Variants in GOLIM4 observed in about 807,000 individuals in gnomAD.
The protein encoded by GOLIM4 is 130 kDa golgi-localized phosphoprotein.
In GOLIM4, 71 loss-of-function variants were observed where a neutral mutation model predicts 107.4. The observed-to-expected ratio is 0.66, with a 90% CI of 0.55 to 0.81. The LOEUF (loss-of-function observed/expected upper bound fraction) is 0.81, where lower values mean the gene tolerates loss of function less well. Ranked by LOEUF, GOLIM4 falls within the 30% of genes least tolerant of loss-of-function variation. The pLI, the probability that GOLIM4 is intolerant of heterozygous loss-of-function variation, is 0.00. For missense variants in GOLIM4, 830 were observed against 826.1 expected (o/e 1.00, Z -0.06); for synonymous variants, 327 against 294.8 (o/e 1.11, Z -1.12).
In GOLIM4 at chr3:168,024,933, A is replaced by G; in HGVS notation, c.1786T>C (p.Leu596=). 6.2e-7 allele frequency: 1 copy of G among 1,613,230 alleles called. No homozygotes were observed. The highest frequency in any genetic ancestry group is 8.5e-7 in the Non-Finnish European group (1 of 1,179,400). ...TCCTCGTGGCATCTGCTTACCACCA[A>G]ATGTTCCTCCACTTCTGTATTCTCT... ...KQENTEVEEH[L]VMAGNPDQQE... The change falls in exon 13 of 16, where the codon TTG becomes CTG. Residue 596 remains leucine, a synonymous_variant. Coordinates refer to ENST00000470487, the MANE Select transcript of GOLIM4 (RefSeq NM_014498.5).
At chr3:168,083,721 T>C (rs775343954) in intron 1 of GOLIM4, among the ~76,000 whole-genome samples, 31 of 152,164 alleles carry the variant, frequency 2.0e-4, no homozygotes, top group Admixed American at 8.5e-4. Flanking sequence ...ATGACAACTT[T>C]GGGAATAATG....
intron 8 of GOLIM4, 125 bp from the exon 9 acceptor site, chr3:168,032,977 G>A: frequency 1.4e-6 from 1 of 716,140 alleles, no homozygotes; most frequent in Non-Finnish European, 2.3e-6. Context: ...AATATATATA[G>A]TCCTGGCTTT....
At chr3:168,073,274 T>C (rs558074345) in intron 1 of GOLIM4, among the ~76,000 whole-genome samples, 11 of 152,358 alleles carry the variant, frequency 7.2e-5, no homozygotes, top group Admixed American at 7.2e-4. Context: ...GTCTTCTTTG[T>C]GTTTGTAACT....
intron 1 of GOLIM4, among the ~76,000 whole-genome samples, chr3:168,088,793 C>T (rs1436296855): frequency 6.6e-6 from 1 of 152,240 alleles, no homozygotes; most frequent in Non-Finnish European, 1.5e-5. Context: ...CTCCAATTCA[C>T]TTATTCCTTC....
At chr3:168,042,594 C>T (rs1291351177) in intron 5 of GOLIM4, among the ~76,000 whole-genome samples, 6 of 152,146 alleles carry the variant, frequency 3.9e-5, no homozygotes, top group South Asian at 2.1e-4. Context: ...ATGGGGAAGA[C>T]GTGTGTCTTG....
chr3:168,043,548 G>C lies in GOLIM4; in HGVS notation c.367-19C>G. 1 of 1,585,124 alleles carries C rather than the reference G, an allele frequency of 6.3e-7. No individual in the cohort carries two copies. The highest frequency in any genetic ancestry group is 8.6e-7 in the Non-Finnish European group (1 of 1,169,516). ...GTTGGCTCTGCAAAGATGAAAACTT[G>C]AGTAGAAATATACATTCTCTGAATT... On this transcript the variant is annotated intron_variant, in intron 4 of 15. Transcript: ENST00000470487.
At chr3:168,053,613 G>A (rs932408094) in intron 1 of GOLIM4, among the ~76,000 whole-genome samples, 11 of 152,096 alleles carry the variant, frequency 7.2e-5, no homozygotes, top group Non-Finnish European at 1.0e-4. Flanking sequence ...ATTAATATAC[G>A]TCTCAGACTT....
chr3:168,082,812 G>C (rs1160839687), intron 1 of GOLIM4, among the ~76,000 whole-genome samples: 1 of 151,724 alleles, frequency 6.6e-6, no homozygotes, highest in East Asian at 1.9e-4. Flanking sequence ...CACAGCAATG[G>C]GGCAGGAAGA....
chr3:168,065,699 T>G (rs1446634642), intron 1 of GOLIM4, among the ~76,000 whole-genome samples: 1 of 152,298 alleles, frequency 6.6e-6, no homozygotes, highest in African/African-American at 2.4e-5. Context: ...ACAAGCATAT[T>G]TGGTGGACAA....
At chr3:168,051,408 G>A (rs1719638650) in intron 1 of GOLIM4, among the ~76,000 whole-genome samples, 1 of 152,172 alleles carries the variant, frequency 6.6e-6, no homozygotes, top group Admixed American at 6.5e-5. Flanking sequence ...TGTGTCTCAA[G>A]AGCCAGGAGA....
In GOLIM4 at chr3:168,010,647, C is replaced by T. The variant is rs1028166600; in HGVS notation, c.1941+96G>A. ...AGTGGTAACTCAGAGGTACCATTACCCACTGGTACGTATCCCAAATACATA... is the reference window on the plus strand; with the variant it reads ...AGTGGTAACTCAGAGGTACCATTACTCACTGGTACGTATCCCAAATACATA... On this transcript the variant is annotated intron_variant, in intron 15 of 15. Transcript: ENST00000470487. 4 of 947,930 alleles carry T rather than the reference C, an allele frequency of 4.2e-6. No homozygotes were observed. In the African/African-American group the frequency reaches 6.5e-5, roughly 15 times the overall value. The allele number at this position is 947,930 out of a possible 1,614,324, so 58.7% of individuals were successfully genotyped here. A position where few individuals can be genotyped will look rare whatever the true frequency, so the allele number is the denominator to read the frequency against.
chr3:168,021,372 G>A (rs931453018), intron 14 of GOLIM4, among the ~76,000 whole-genome samples: 2 of 152,004 alleles, frequency 1.3e-5, no homozygotes, highest in Non-Finnish European at 2.9e-5. Context: ...TCTTCCAATC[G>A]AAAAGCTTCT....
chr3:168,042,076 C>G (rs1173575645), intron 5 of GOLIM4, among the ~76,000 whole-genome samples: 2 of 152,118 alleles, frequency 1.3e-5, no homozygotes, highest in East Asian at 1.9e-4. Flanking sequence ...AGCTTCCCAT[C>G]ATGATGACAT....
chr3:168,081,250 G>T (rs944218431), intron 1 of GOLIM4, among the ~76,000 whole-genome samples: 4 of 152,194 alleles, frequency 2.6e-5, no homozygotes, highest in African/African-American at 9.7e-5. Context: ...TCTCCCCAGT[G>T]ACTATCACCC....
chr3:168,071,713 C>A (rs1257377740), intron 1 of GOLIM4, among the ~76,000 whole-genome samples: 1 of 151,574 alleles, frequency 6.6e-6, no homozygotes, highest in Non-Finnish European at 1.5e-5. Context: ...GAATGAGTCA[C>A]AAGGGTGGGT....
chr3:168,040,270 G>C (rs537679448), intron 7 of GOLIM4, among the ~76,000 whole-genome samples: 2 of 152,302 alleles, frequency 1.3e-5, no homozygotes, highest in South Asian at 4.1e-4. Context: ...TGAACAAATG[G>C]AGCTTATGAC....
chr3:168,022,630 C>T (rs1717770040), intron 14 of GOLIM4, among the ~76,000 whole-genome samples: 6 of 152,126 alleles, frequency 3.9e-5, no homozygotes, highest in Admixed American at 3.9e-4. Flanking sequence ...CTCATAACCA[C>T]ACACAAAAAT....
intron 1 of GOLIM4, among the ~76,000 whole-genome samples, chr3:168,070,455 C>A (rs1431598658): frequency 6.6e-6 from 1 of 152,182 alleles, no homozygotes; most frequent in Non-Finnish European, 1.5e-5. Flanking sequence ...CAGGTCTACA[C>A]CATTCCAAAT....
At chr3:168,059,369 CTTCA>C (rs1205183487) in intron 1 of GOLIM4, among the ~76,000 whole-genome samples, 4 of 152,174 alleles carry the variant, frequency 2.6e-5, no homozygotes, top group African/African-American at 9.7e-5. Flanking sequence ...GTTAACTCAC[CTTCA>C]TTCAAACTTC....
Sources: gnomAD v4.1 joint callset for allele counts (sites outside exome capture counted in the v4.1 genomes callset) on GRCh38, gnomAD v4.1.1 for gene constraint, MANE v1.5 for transcripts, NCBI Gene and HGNC (gene_info 2026-07-23, HGNC 2026-07-21) for gene names.